The following NCBP1 variants were observed in gnomAD, a reference collection of about 807,000 sequenced individuals.
NCBP1 encodes the protein nuclear cap binding protein subunit 1.
Under a neutral mutation model 111.7 loss-of-function variants are expected in NCBP1, and 16 were observed. The observed-to-expected ratio is 0.14, with a 90% CI of 0.10 to 0.22. The LOEUF (loss-of-function observed/expected upper bound fraction) is 0.22. Ranked by LOEUF, NCBP1 falls within the 10% of genes least tolerant of loss-of-function variation. The pLI is 1.00. For synonymous variants in NCBP1, 304 were observed against 314.3 expected (o/e 0.97, Z 0.35); for missense variants, 607 against 957.5 (o/e 0.63, Z 4.83).
At position 97,654,900 on chromosome 9, in the gene NCBP1, G is replaced by A; in HGVS notation, c.1191G>A (p.Met397Ile). The stretch of plus-strand genomic sequence containing the variant: ...CACAGCTTGCACAGGCAACTGAAAT[G>A]CTATACATGCGTTTGGACACAATGA... ...LPQVLAQATE[M>I]LYMRLDTMNT... Residue 397 changes from methionine to isoleucine, a missense_variant, in exon 12 of 23, where the codon ATG (methionine) becomes ATA (isoleucine). By Grantham distance (10) the Met-to-Ile change is conservative (BLOSUM62 1). Coordinates refer to ENST00000375147, the MANE Select transcript of NCBP1 (RefSeq NM_002486.5). The A allele has an allele frequency of 6.2e-7, 1 of 1,613,246 alleles. No homozygotes were observed. The highest frequency in any genetic ancestry group is 8.5e-7 in the Non-Finnish European group (1 of 1,179,694).
intron 15 of NCBP1, 87 bp downstream of exon 15, chr9:97,658,830 C>T (rs1827747997): frequency 9.5e-7 from 1 of 1,052,034 alleles, no homozygotes; most frequent in African/African-American, 1.6e-5. Context: ...AGAAATTGAA[C>T]TTTTTCTTTT....
intron 20 of NCBP1, among the ~76,000 whole-genome samples, chr9:97,667,820 C>T (rs570792515): frequency 2.6e-5 from 4 of 152,284 alleles, no homozygotes; most frequent in African/African-American, 7.2e-5. Flanking sequence ...CGTGTGGTTG[C>T]GGTCGTAACA....
chr9:97,664,266 C>A (rs1827926945), intron 18 of NCBP1, 74 bp from the exon 19 acceptor site: 4 of 890,174 alleles, frequency 4.5e-6, no homozygotes, highest in Non-Finnish European at 6.9e-6. Context: ...ACTTTTATAG[C>A]AGCAGTGTGG....
chr9:97,650,186 G>A lies in NCBP1; in HGVS notation c.898-317G>A, dbSNP rs911240095. Among the ~76,000 whole-genome samples the A allele has an allele frequency of 2.0e-5, 3 of 151,948 alleles. No homozygotes were observed. In the East Asian group the frequency reaches 5.8e-4, roughly 29 times the overall value. On this transcript the variant is annotated intron_variant, in intron 8 of 22. Transcript: ENST00000375147. The stretch of plus-strand genomic sequence containing the variant: ...TTATTAATGGAAATAATTCACTCTC[G>A]GTTTAAAAAATAAACTCTGTAAGAC...
intron 14 of NCBP1, among the ~76,000 whole-genome samples, chr9:97,656,792 T>G (rs1827669611): frequency 6.6e-6 from 1 of 152,116 alleles, no homozygotes; most frequent in Admixed American, 6.5e-5. Context: ...TCCTTTAATG[T>G]TCCATTACAT....
At chr9:97,660,884 G>A in intron 15 of NCBP1, 62 bp from the exon 16 acceptor site, 1 of 1,523,616 alleles carries the variant, frequency 6.6e-7, no homozygotes, top group East Asian at 2.3e-5. Context: ...TTATTTAACT[G>A]TTCATTAGAA....
At chr9:97,655,209 G>A (rs1363394981) in intron 12 of NCBP1, among the ~76,000 whole-genome samples, 3 of 152,022 alleles carry the variant, frequency 2.0e-5, no homozygotes, top group Non-Finnish European at 4.4e-5. Flanking sequence ...TGTTTTATCT[G>A]CAATTTCTTT....
At chr9:97,650,935 T>G (rs1303286010) in intron 9 of NCBP1, among the ~76,000 whole-genome samples, 1 of 146,170 alleles carries the variant, frequency 6.8e-6, no homozygotes, top group Non-Finnish European at 1.5e-5. Flanking sequence ...ACCCAAGCTT[T>G]GGAATTTTTT....
At chr9:97,635,414 C>CTT (rs5899316) in intron 1 of NCBP1, among the ~76,000 whole-genome samples, 3 of 141,956 alleles carry the variant, frequency 2.1e-5, no homozygotes, top group South Asian at 2.2e-4. Context: ...AATTCCCTCC[C>CTT]TTTTTTTTTT....
rs1221308299 is a variant in NCBP1, at chr9:97,671,659, CACTCT to C, written c.*467_*471del. ...TTTGGCATTTCATGATTTATCATCTCACTCTACTCTAAAACTGGTGGTTTCTTACT... is the reference window on the plus strand; with the variant it reads ...TTTGGCATTTCATGATTTATCATCTCACTCTAAAACTGGTGGTTTCTTACT... On this transcript the variant is annotated 3_prime_UTR_variant, in exon 23 of 23. Transcript: ENST00000375147. 2.6e-5 allele frequency: 4 copies of C among 152,528 alleles called. No individual in the cohort carries two copies. Among genetic ancestry groups the C allele is most frequent in the South Asian group, 2.1e-4 (1 of 4,854 alleles). 9.4% of individuals were successfully genotyped at this position (152,528 alleles called of 1,614,324 possible).
intron 22 of NCBP1, among the ~76,000 whole-genome samples, chr9:97,670,775 G>C (rs1468539843): frequency 6.6e-6 from 1 of 152,210 alleles, no homozygotes; most frequent in Non-Finnish European, 1.5e-5. Context: ...AGAGCTAGCT[G>C]AGCCTAGTCC....
At chr9:97,660,496 C>T (rs1273222510) in intron 15 of NCBP1, among the ~76,000 whole-genome samples, 1 of 152,102 alleles carries the variant, frequency 6.6e-6, no homozygotes, top group African/African-American at 2.4e-5. Context: ...GCAGCCATTA[C>T]CTTGTTGAGA....
At chr9:97,666,974 C>A in intron 20 of NCBP1, 97 bp downstream of exon 20, 1 of 953,036 alleles carries the variant, frequency 1.0e-6, no homozygotes, top group Non-Finnish European at 1.5e-6. Flanking sequence ...TTCATTTTTT[C>A]TGAGCCCAAA....
intron 19 of NCBP1, among the ~76,000 whole-genome samples, chr9:97,665,438 C>T (rs1465591197): frequency 6.6e-6 from 1 of 152,154 alleles, no homozygotes; most frequent in Non-Finnish European, 1.5e-5. Flanking sequence ...TGCCCAAAGT[C>T]ACACAACTAA....
rs765685708 is a variant in NCBP1 at position 97,662,905 on chromosome 9, G to A, written c.1704-49G>A. 7.4e-6 allele frequency: 10 copies of A among 1,358,796 alleles called. No individual in the cohort carries two copies. The East Asian group carries it at 2.1e-4, about 28-fold the overall frequency. The allele number at this position is 1,358,796 out of a possible 1,614,324, so 84.2% of individuals were successfully genotyped here. ...GAAAAGGCTTTGAAAACACTAAAAT[G>A]TTTAATGAATAAGTATATATGGTAT... On this transcript the variant is annotated intron_variant, in intron 17 of 22. Coordinates refer to ENST00000375147, the MANE Select transcript of NCBP1 (RefSeq NM_002486.5).
Position 97,672,329 on chromosome 9 carries a change from A to G in NCBP1, c.*1130A>G, listed in dbSNP as rs2131375085. The G allele has an allele frequency of 6.6e-6, 1 of 152,226 alleles. No homozygotes were observed. The highest frequency in any genetic ancestry group is 2.1e-4 in the South Asian group (1 of 4,826). 9.4% of individuals were successfully genotyped at this position (152,226 alleles called of 1,614,324 possible). A position where few individuals can be genotyped will look rare whatever the true frequency, so the allele number is the denominator to read the frequency against. ...TATAATTTTTTCTTATTACATCCCAAGTTTATGATGCATTAAGCGTTTTGC... is the reference window on the plus strand; with the variant it reads ...TATAATTTTTTCTTATTACATCCCAGGTTTATGATGCATTAAGCGTTTTGC... On this transcript the variant is annotated 3_prime_UTR_variant, in exon 23 of 23. Coordinates refer to ENST00000375147, the MANE Select transcript of NCBP1 (RefSeq NM_002486.5).
intron 12 of NCBP1, 29 bp from the exon 13 acceptor site, chr9:97,655,673 C>T: frequency 6.4e-7 from 1 of 1,563,390 alleles, no homozygotes; most frequent in African/African-American, 1.4e-5. Context: ...CTTCCTTTTT[C>T]TCTGCCTACC....
rs1034242744 is a variant in NCBP1, at chr9:97,645,829, C to T, written c.611+97C>T. 9.9e-6 allele frequency: 14 copies of T among 1,414,040 alleles called. No individual in the cohort carries two copies. The African/African-American group carries it at 1.7e-4, about 17-fold the overall frequency. The allele number at this position is 1,414,040 out of a possible 1,614,324, so 87.6% of individuals were successfully genotyped here. ...TTTCTCAAAAATAAGCTGTAGAGTT[C>T]CTGAAGGTATTTTCTAGGTAATCCT... On this transcript the variant is annotated intron_variant, in intron 6 of 22. Coordinates refer to ENST00000375147, the MANE Select transcript of NCBP1 (RefSeq NM_002486.5).
At chr9:97,653,324 T>C (rs1382881132) in intron 10 of NCBP1, among the ~76,000 whole-genome samples, 1 of 152,102 alleles carries the variant, frequency 6.6e-6, no homozygotes, top group Non-Finnish European at 1.5e-5. Context: ...TTTCACCGTG[T>C]TGGCCAGGCT....
Sources: allele counts gnomAD v4.1 joint callset (sites outside exome capture counted in the v4.1 genomes callset), GRCh38; gene constraint gnomAD v4.1.1; transcripts MANE v1.5; gene names NCBI Gene and HGNC (gene_info 2026-07-23, HGNC 2026-07-21).